CREB3L2: variants seen among roughly 807,000 people sequenced by gnomAD.
CREB3L2 encodes the protein cAMP responsive element binding protein 3 like 2, also known as cyclic AMP-responsive element-binding protein 3-like protein 2.
CREB3L2 carries 23 observed loss-of-function variants against 57.2 expected under a neutral mutation model. The ratio of observed to expected loss-of-function variants is 0.40; its 90% CI spans 0.29 to 0.57. The LOEUF is 0.57. Among genes scored for constraint, CREB3L2 ranks in the 20% least tolerant of loss-of-function variants. The pLI is 0.42. For synonymous variants in CREB3L2, 268 were observed against 265.1 expected (o/e 1.01, Z -0.11); for missense variants, 628 against 634.7 (o/e 0.99, Z 0.11).
chr7:137,918,357 A>G (rs1220056315), intron 2 of CREB3L2, among the ~76,000 whole-genome samples: 2 of 151,996 alleles, frequency 1.3e-5, no homozygotes, highest in African/African-American at 4.8e-5. Context: ...CGCCCAGCTA[A>G]TTTTTATATT....
In CREB3L2 at chr7:137,880,650, T is replaced by C. The variant is rs1585584480; in HGVS notation, c.1488-99A>G. 4 of 920,638 alleles carry C rather than the reference T, an allele frequency of 4.3e-6. No homozygotes were observed. The highest frequency in any genetic ancestry group is 5.0e-5 in the East Asian group (2 of 39,968). The allele number at this position is 920,638 out of a possible 1,614,324, so 57.0% of individuals were successfully genotyped here. On this transcript the variant is annotated intron_variant, in intron 11 of 11. Transcript: ENST00000330387. This position sits in a 1 kb window ranked among gnomAD's most constrained non-coding sequence, Gnocchi z 4.0. Reference sequence around the variant, plus strand: ...GATGCAATCATTCAGGGGTTGCAACTTGGTGAGACGGCCTGGGCATGTTTC... The same window carrying C: ...GATGCAATCATTCAGGGGTTGCAACCTGGTGAGACGGCCTGGGCATGTTTC...
At position 137,885,003 on chromosome 7, in the gene CREB3L2, G is replaced by T. The variant is rs1585589387; in HGVS notation, c.1262C>A (p.Ala421Asp). ...GCCACATGCTGTCTTACCCACGGAG[G>T]CTGTGTAGGGCTCCTGCAGGGAATG... ...SQHSLQEPYT[A>D]SVVRSRNLLI... The change falls in exon 10 of 12, where the codon GCC becomes GAC. Residue 421 changes from alanine (A) to aspartate (D), a missense_variant. This residue lies in a region of CREB3L2 where 272 missense variants were observed against 242.7 expected (regional missense o/e 1.12). Transcript: ENST00000330387. 14 of 1,614,204 alleles carry T rather than the reference G, an allele frequency of 8.7e-6. No individual in the cohort carries two copies. The East Asian group carries it at 3.1e-4, about 36-fold the overall frequency.
chr7:137,980,484 T>A lies in CREB3L2; in HGVS notation c.102+21120A>T, dbSNP rs1378337161. 6.6e-6 allele frequency among the ~76,000 whole-genome samples: 1 copy of A among 152,162 alleles called. No homozygotes were observed. The highest frequency in any genetic ancestry group is 1.5e-5 in the Non-Finnish European group (1 of 68,028). On this transcript the variant is annotated intron_variant, in intron 1 of 11. Coordinates refer to ENST00000330387, the MANE Select transcript of CREB3L2 (RefSeq NM_194071.4). The surrounding 1 kb of genome is among the most constrained non-coding windows in gnomAD (Gnocchi z 4.3). ...TTATGCAAGTGACCACAGGCTCAGT[T>A]AAAAAGGTTCCAAACTGGTGGGGGG...
chr7:137,918,344 C>T (rs951053394), intron 2 of CREB3L2, among the ~76,000 whole-genome samples: 2 of 152,106 alleles, frequency 1.3e-5, no homozygotes. Flanking sequence ...GTACACGCCA[C>T]GACGCCCAGC....
chr7:137,892,971 G>C (rs1799553443), intron 8 of CREB3L2, among the ~76,000 whole-genome samples: 1 of 152,022 alleles, frequency 6.6e-6, no homozygotes, highest in Non-Finnish European at 1.5e-5. Context: ...ATACACAAAA[G>C]ACAACCATAT....
intron 1 of CREB3L2, among the ~76,000 whole-genome samples, chr7:137,962,231 T>G (rs1801335506): frequency 1.3e-5 from 2 of 152,138 alleles, no homozygotes; most frequent in African/African-American, 4.8e-5. Context: ...TGCCATACAC[T>G]GAACTAAAAG....
chr7:137,986,138 T>C (rs778707162), intron 1 of CREB3L2, among the ~76,000 whole-genome samples: 20 of 152,218 alleles, frequency 1.3e-4, no homozygotes, highest in Non-Finnish European at 2.6e-4. Flanking sequence ...GTGCTCACAG[T>C]AGGGAGAGCC....
At chr7:137,971,057 A>T (rs1402107737) in intron 1 of CREB3L2, among the ~76,000 whole-genome samples, 1 of 152,200 alleles carries the variant, frequency 6.6e-6, no homozygotes, top group Non-Finnish European at 1.5e-5. Context: ...AAGTTAGCAC[A>T]CATATTAAGA....
chr7:137,978,213 A>T (rs1039470614), intron 1 of CREB3L2, among the ~76,000 whole-genome samples: 1 of 152,220 alleles, frequency 6.6e-6, no homozygotes, highest in African/African-American at 2.4e-5. Flanking sequence ...GGACGACTTT[A>T]CAGAGATATA....
At chr7:137,897,632 G>C (rs1272933778) in intron 8 of CREB3L2, among the ~76,000 whole-genome samples, 1 of 152,114 alleles carries the variant, frequency 6.6e-6, no homozygotes. Flanking sequence ...CAAAGTGCTA[G>C]GATTACAGTC....
At chr7:137,972,717 A>ATG (rs1801534397) in intron 1 of CREB3L2, among the ~76,000 whole-genome samples, 1 of 34,672 alleles carries the variant, frequency 2.9e-5, no homozygotes, top group Non-Finnish European at 4.9e-5. Context: ...AAAAAAATAT[A>ATG]TATATATATA....
intron 1 of CREB3L2, among the ~76,000 whole-genome samples, chr7:137,990,258 G>A (rs1215776983): frequency 6.6e-6 from 1 of 152,168 alleles, no homozygotes; most frequent in Non-Finnish European, 1.5e-5. Context: ...TGTAGCTGCT[G>A]TTCCCACTGC....
At position 137,878,472 on chromosome 7, in the gene CREB3L2, T is replaced by C. The variant is rs1005346542; in HGVS notation, c.*2004A>G. The C allele has an allele frequency of 2.1e-5, 5 of 233,118 alleles. No individual in the cohort carries two copies. Among genetic ancestry groups the C allele is most frequent in the African/African-American group, 8.8e-5 (4 of 45,318 alleles). The allele number at this position is 233,118 out of a possible 1,614,324, so 14.4% of individuals were successfully genotyped here. ...AGAGGGATGGGTCAGTGGAGGCCCATGGTTACCAGACACCAGCCAGGCCCA... is the reference window on the plus strand; with the variant it reads ...AGAGGGATGGGTCAGTGGAGGCCCACGGTTACCAGACACCAGCCAGGCCCA... On this transcript the variant is annotated 3_prime_UTR_variant, in exon 12 of 12. Transcript: ENST00000330387.
chr7:138,001,747 AG>A lies in CREB3L2; in HGVS notation c.-43del. On this transcript the variant is annotated 5_prime_UTR_variant, in exon 1 of 12. Transcript: ENST00000330387. The surrounding 1 kb of genome is among the most constrained non-coding windows in gnomAD (Gnocchi z 4.2). Reference sequence around the variant, plus strand: ...CTGGGCCGAGGATGCTAAGCGCAGGAGGGGACGCGCAGAGCTGCCTCGGACC... The same window carrying A: ...CTGGGCCGAGGATGCTAAGCGCAGGAGGGACGCGCAGAGCTGCCTCGGACC... 6.9e-7 allele frequency: 1 copy of A among 1,459,008 alleles called. No homozygotes were observed. The highest frequency in any genetic ancestry group is 9.3e-7 in the Non-Finnish European group (1 of 1,077,324). The allele number at this position is 1,459,008 out of a possible 1,614,324, so 90.4% of individuals were successfully genotyped here. A position where few individuals can be genotyped will look rare whatever the true frequency, so the allele number is the denominator to read the frequency against.
intron 7 of CREB3L2, 104 bp from the exon 8 acceptor site, chr7:137,901,526 G>C: frequency 1.5e-6 from 1 of 659,814 alleles, no homozygotes; most frequent in South Asian, 1.8e-5. Context: ...GGGTTGGGGG[G>C]ATCTGCCACC....
In CREB3L2 at chr7:137,910,455, C is replaced by A. The variant is rs117882889; in HGVS notation, c.584-2019G>T. Among the ~76,000 whole-genome samples, 146 of 152,212 alleles carry A rather than the reference C, an allele frequency of 9.6e-4. 1 individual carries two copies. In the East Asian group the frequency reaches 0.015, roughly 16 times the overall value. On this transcript the variant is annotated intron_variant, in intron 4 of 11. Transcript: ENST00000330387. ...CCACTACTGCCACAGGTGCAGGCAG[C>A]CCAGGAAGGGAAAATATGCAGGTGC...
In CREB3L2 at chr7:138,001,410, T is replaced by C. The variant is rs1033078893; in HGVS notation, c.102+194A>G. Among the ~76,000 whole-genome samples the C allele has an allele frequency of 3.9e-5, 6 of 152,200 alleles. No homozygotes were observed. The highest frequency in any genetic ancestry group is 8.8e-5 in the Non-Finnish European group (6 of 68,018). ...GGAATACAAAGTGGCATTACTCTCA[T>C]GAGAAATGTAAAGGGGCCAGCTGCC... On this transcript the variant is annotated intron_variant, in intron 1 of 11. Transcript: ENST00000330387. This position sits in a 1 kb window ranked among gnomAD's most constrained non-coding sequence, Gnocchi z 4.2.
chr7:137,924,694 A>G (rs530378363), intron 2 of CREB3L2, among the ~76,000 whole-genome samples: 1 of 152,114 alleles, frequency 6.6e-6, no homozygotes, highest in East Asian at 1.9e-4. Context: ...GTAGAACAGA[A>G]AACCTTGCTT....
rs1231326316 is a variant in CREB3L2, at chr7:137,884,762, C to T, written c.1270+233G>A. 31 of 627,680 alleles carry T rather than the reference C, an allele frequency of 4.9e-5. 1 individual carries two copies. In the South Asian group the frequency reaches 5.1e-4, roughly 10 times the overall value. The allele number at this position is 627,680 out of a possible 1,614,324, so 38.9% of individuals were successfully genotyped here. ...ATGGATCAGGGAACACAGTCTAGAA[C>T]AGCAGTTTGCAAACTGTGCTCTGTC... On this transcript the variant is annotated intron_variant, in intron 10 of 11. Transcript: ENST00000330387.
Sources: gnomAD v4.1 joint callset for allele counts (sites outside exome capture counted in the v4.1 genomes callset) on GRCh38, gnomAD v4.1.1 for gene constraint, gnomAD v4.1.1 regional missense constraint, Gnocchi (gnomAD v3.1) non-coding constraint, MANE v1.5 for transcripts, NCBI Gene and HGNC (gene_info 2026-07-23, HGNC 2026-07-21) for gene names.